CHGA: variants seen among roughly 807,000 people sequenced by gnomAD.
CHGA encodes chromogranin-A.
Under a neutral mutation model 54.4 loss-of-function variants are expected in CHGA, and 41 were observed. The observed-to-expected ratio is 0.75, with a 90% confidence interval of 0.59 to 0.98. The LOEUF is 0.98. CHGA is among the 50% of genes least tolerant of loss of function. The probability of loss-of-function intolerance (pLI) is 0.00; values close to 1 mark genes in which losing one functional copy is unlikely to be tolerated. For synonymous variants in CHGA, 249 were observed against 232.8 expected (o/e 1.07, Z -0.63); for missense variants, 576 against 582.3 (o/e 0.99, Z 0.11).
chr14:92,929,466 G>A (rs1444540148), intron 4 of CHGA, among the ~76,000 whole-genome samples: 4 of 152,222 alleles, frequency 2.6e-5, no homozygotes, highest in South Asian at 2.1e-4. Flanking sequence ...GCCACAGCAC[G>A]CTTGCTCTGG....
chr14:92,924,210 C>T lies in CHGA; in HGVS notation c.58C>T (p.Pro20Ser). 6.2e-7 allele frequency: 1 copy of T among 1,612,584 alleles called. No individual in the cohort carries two copies. Among genetic ancestry groups the T allele is most frequent in the Non-Finnish European group, 8.5e-7 (1 of 1,179,656 alleles). The change falls in exon 2 of 8, where the codon CCT (proline) becomes TCT (serine). Residue 20 changes from proline to serine, a missense_variant. Transcript: ENST00000216492. The stretch of plus-strand genomic sequence containing the variant: ...CTTCTTCTTCCCAGTCACTGCGCTC[C>T]CTGTGAACAGCCCTATGAATAAAGG... ...LLCAGQVTAL[P>S]VNSPMNKGDT...
intron 1 of CHGA, among the ~76,000 whole-genome samples, chr14:92,923,933 G>A (rs1361939800): frequency 6.6e-6 from 1 of 151,920 alleles, no homozygotes; most frequent in Non-Finnish European, 1.5e-5. Flanking sequence ...CTTGTTTGAT[G>A]GCGCTCCCCG....
rs1887028545 is a variant in CHGA, at chr14:92,932,591, A to G, written c.1030A>G (p.Lys344Glu). The part of the protein sequence containing the change: ...KEWEDSKRWS[K>E]MDQLAKELTA... Reference sequence around the variant, plus strand: ...GTGGGAGGACTCCAAACGCTGGAGCAAGATGGACCAGCTGGCCAAGGAGCT... The same window carrying G: ...GTGGGAGGACTCCAAACGCTGGAGCGAGATGGACCAGCTGGCCAAGGAGCT... The change falls in exon 7 of 8, where the codon AAG (lysine) becomes GAG (glutamate). Residue 344 changes from lysine to glutamate, a missense_variant. Transcript: ENST00000216492. The surrounding 1 kb of genome is among the most constrained non-coding windows in gnomAD (Gnocchi z 5.3). 6.4e-7 allele frequency: 1 copy of G among 1,571,474 alleles called. No homozygotes were observed. The highest frequency in any genetic ancestry group is 1.3e-5 in the African/African-American group (1 of 74,378).
In CHGA at chr14:92,923,260, T is replaced by G; in HGVS notation, c.-100T>G. ...CACTGCGCCCCCAGCCCCGCGCCGG[T>G]GCCACCGCAGCCCGACCCCGGCCGC... On this transcript the variant is annotated 5_prime_UTR_variant, in exon 1 of 8. Coordinates refer to ENST00000216492, the MANE Select transcript of CHGA (RefSeq NM_001275.4). 9.0e-7 allele frequency: 1 copy of G among 1,113,342 alleles called. No individual in the cohort carries two copies. The highest frequency in any genetic ancestry group is 1.1e-6 in the Non-Finnish European group (1 of 884,712). The allele number at this position is 1,113,342 out of a possible 1,614,324, so 69.0% of individuals were successfully genotyped here.
chr14:92,928,066 C>A (rs1886921711), intron 4 of CHGA, among the ~76,000 whole-genome samples: 1 of 152,234 alleles, frequency 6.6e-6, no homozygotes, highest in Non-Finnish European at 1.5e-5. Flanking sequence ...ACGGCCCTAG[C>A]CTTGCAAGTC....
Position 92,935,086 on chromosome 14 carries a change from A to C in CHGA, c.*202A>C. 1.9e-6 allele frequency: 1 copy of C among 525,592 alleles called. No homozygotes were observed. Among genetic ancestry groups the C allele is most frequent in the East Asian group, 3.4e-5 (1 of 29,256 alleles). 32.6% of individuals were successfully genotyped at this position (525,592 alleles called of 1,614,324 possible). A position where few individuals can be genotyped will look rare whatever the true frequency, so the allele number is the denominator to read the frequency against. On this transcript the variant is annotated 3_prime_UTR_variant, in exon 8 of 8. Transcript: ENST00000216492. ...CTACCTGCCCTGGAACATCCTTTGC[A>C]GGGCAGCCCCACAACTTTAAACATT...
In CHGA at chr14:92,932,664, G is replaced by A. The variant is rs746161501; in HGVS notation, c.1103G>A (p.Arg368Gln). Residue 368 changes from arginine to glutamine, a missense_variant, in exon 7 of 8, where the codon CGG becomes CAG. Physicochemically the swap from Arg to Gln is conservative, Grantham distance 43 (BLOSUM62 1). Transcript: ENST00000216492. The surrounding 1 kb of genome is among the most constrained non-coding windows in gnomAD (Gnocchi z 5.3). ...GGGCAGGAGGAGGAGGAGGACAACC[G>A]GGACAGTTCCATGAAGCTCTCCTTC... Reference protein sequence around the residue: ...LEGQEEEEDNRDSSMKLSFRA... With the variant: ...LEGQEEEEDNQDSSMKLSFRA... 74 of 1,605,580 alleles carry A rather than the reference G, an allele frequency of 4.6e-5. No homozygotes were observed. Among genetic ancestry groups the A allele is most frequent in the Non-Finnish European group, 5.9e-5 (70 of 1,178,006 alleles).
At chr14:92,922,966 C>A (rs1171982790), upstream of CHGA, 3 of 170,002 alleles carry the variant, frequency 1.8e-5, no homozygotes, top group Non-Finnish European at 1.2e-5. Context: ...AACCAGATAC[C>A]CGCCTCGCGG....
chr14:92,926,693 G>A lies in CHGA; in HGVS notation c.182G>A (p.Arg61Gln), dbSNP rs3742712. Residue 61 changes from arginine (R) to glutamine (Q), a missense_variant, in exon 3 of 8, where the codon CGA becomes CAA. Arg to Gln is a conservative substitution (Grantham distance 43, BLOSUM62 1). Coordinates refer to ENST00000216492, the MANE Select transcript of CHGA (RefSeq NM_001275.4). ...PVSQECFETLRGDERILSILR... is the reference protein window; with the variant it reads ...PVSQECFETLQGDERILSILR... ...AGCCAGGAATGTTTTGAGACACTCC[G>A]AGGAGGTATGAGCTGGAGGCTAGGG... 1.0e-4 allele frequency: 169 copies of A among 1,613,824 alleles called. 1 individual carries two copies. Among genetic ancestry groups the A allele is most frequent in the East Asian group, 3.6e-4 (16 of 44,882 alleles).
chr14:92,926,641 C>T lies in CHGA; in HGVS notation c.130C>T (p.Leu44Phe), dbSNP rs144321854. The T allele has an allele frequency of 5.0e-6, 8 of 1,614,028 alleles. No individual in the cohort carries two copies. The highest frequency in any genetic ancestry group is 5.9e-6 in the Non-Finnish European group (7 of 1,180,020). ...KCIVEVISDT[L>F]SKPSPMPVSQ... ...CATCGTTGAGGTCATCTCCGACACA[C>T]TTTCCAAGCCCAGCCCCATGCCTGT... Residue 44 changes from leucine to phenylalanine, a missense_variant, in exon 3 of 8, where the codon CTT (leucine) becomes TTT (phenylalanine). Leu to Phe is a conservative substitution (Grantham distance 22, BLOSUM62 0). Transcript: ENST00000216492.
chr14:92,932,315 G>A lies in CHGA; in HGVS notation c.809-55G>A. On this transcript the variant is annotated intron_variant, in intron 6 of 7. Transcript: ENST00000216492. The surrounding 1 kb of genome is among the most constrained non-coding windows in gnomAD (Gnocchi z 5.3). ...AGGCCCCCAGGGAGTGGCAGAGACTGGGAAAATGGTGGTCCCCCACCCATT... is the reference window on the plus strand; with the variant it reads ...AGGCCCCCAGGGAGTGGCAGAGACTAGGAAAATGGTGGTCCCCCACCCATT... 1.3e-6 allele frequency: 2 copies of A among 1,508,380 alleles called. No homozygotes were observed. Among genetic ancestry groups the A allele is most frequent in the Middle Eastern group, 2.3e-4 (1 of 4,264 alleles). The allele number at this position is 1,508,380 out of a possible 1,614,324, so 93.4% of individuals were successfully genotyped here. A position where few individuals can be genotyped will look rare whatever the true frequency, so the allele number is the denominator to read the frequency against.
Position 92,934,977 on chromosome 14 carries a change from T to C in CHGA, c.*93T>C. ...CCTGGCCAGATGGCCCGGATGCTGC[T>C]TCCGGTAGGGAGGCAGCCTCCAGCC... On this transcript the variant is annotated 3_prime_UTR_variant, in exon 8 of 8. Transcript: ENST00000216492. The C allele has an allele frequency of 9.3e-7, 1 of 1,077,672 alleles. No homozygotes were observed. The highest frequency in any genetic ancestry group is 1.3e-6 in the Non-Finnish European group (1 of 770,874). 66.8% of individuals were successfully genotyped at this position (1,077,672 alleles called of 1,614,324 possible). A position where few individuals can be genotyped will look rare whatever the true frequency, so the allele number is the denominator to read the frequency against.
intron 4 of CHGA, among the ~76,000 whole-genome samples, chr14:92,928,616 C>T (rs1472085726): frequency 6.6e-6 from 1 of 152,088 alleles, no homozygotes; most frequent in African/African-American, 2.4e-5. Flanking sequence ...CAATTGATAA[C>T]TTTAAAATTA....
chr14:92,924,147 G>C, intron 1 of CHGA, 52 bp from the exon 2 acceptor site: 1 of 1,588,132 alleles, frequency 6.3e-7, no homozygotes, highest in Non-Finnish European at 8.6e-7. Context: ...AGAAAGGACT[G>C]GCCTCCACTT....
intron 3 of CHGA, 76 bp from the exon 4 acceptor site, chr14:92,927,474 A>C: frequency 1.6e-6 from 2 of 1,235,344 alleles, no homozygotes; most frequent in Non-Finnish European, 2.3e-6. Flanking sequence ...CCTTGTGCTC[A>C]GCTGAAAATA....
Position 92,932,882 on chromosome 14 carries a change from C to A in CHGA, c.1290+31C>A. The A allele has an allele frequency of 6.9e-7, 1 of 1,457,624 alleles. No homozygotes were observed. The highest frequency in any genetic ancestry group is 9.1e-7 in the Non-Finnish European group (1 of 1,102,612). 90.3% of individuals were successfully genotyped at this position (1,457,624 alleles called of 1,614,324 possible). ...TATGGGGCGGGAGCCAGCTCTGTGC[C>A]AGGCCACGGAGCAGCAGGGGGCAGC... On this transcript the variant is annotated intron_variant, in intron 7 of 7. Coordinates refer to ENST00000216492, the MANE Select transcript of CHGA (RefSeq NM_001275.4). The surrounding 1 kb of genome is among the most constrained non-coding windows in gnomAD (Gnocchi z 5.3).
intron 2 of CHGA, among the ~76,000 whole-genome samples, chr14:92,925,903 A>G (rs1886877587): frequency 6.6e-6 from 1 of 152,262 alleles, no homozygotes; most frequent in Admixed American, 6.5e-5. Context: ...AAGATCACTC[A>G]TTTATCAGAT....
At chr14:92,928,176 A>G (rs946265951) in intron 4 of CHGA, among the ~76,000 whole-genome samples, 1 of 152,198 alleles carries the variant, frequency 6.6e-6, no homozygotes. Context: ...GTGTCTCTCC[A>G]TGAGAACAGG....
chr14:92,926,402 A>G lies in CHGA; in HGVS notation c.94-203A>G, dbSNP rs1218874634. The G allele has an allele frequency of 5.2e-6, 3 of 581,632 alleles. No homozygotes were observed. In the East Asian group the frequency reaches 8.4e-5, roughly 16 times the overall value. 36.0% of individuals were successfully genotyped at this position (581,632 alleles called of 1,614,324 possible). On this transcript the variant is annotated intron_variant, in intron 2 of 7. Transcript: ENST00000216492. ...TGGTTGGAGTGGCTGACACATGGTA[A>G]GCACTGTGTTAAGGGTTTTCTATTA... is the stretch of plus-strand genomic sequence containing the variant.
Sources: gnomAD v4.1 joint callset for allele counts (sites outside exome capture counted in the v4.1 genomes callset) on GRCh38, gnomAD v4.1.1 for gene constraint, Gnocchi (gnomAD v3.1) non-coding constraint, MANE v1.5 for transcripts, NCBI Gene and HGNC (gene_info 2026-07-23, HGNC 2026-07-21) for gene names.